FREM1: variants seen among roughly 807,000 people sequenced by gnomAD.
FREM1 encodes the protein FRAS1 related extracellular matrix 1.
A neutral mutation model predicts 210.1 loss-of-function variants in FREM1; 220 were observed. The ratio of observed to expected loss-of-function variants is 1.05; its 90% CI spans 0.94 to 1.17. The LOEUF (loss-of-function observed/expected upper bound fraction) is 1.17, where lower values mean the gene tolerates loss of function less well. Among genes scored for constraint, FREM1 ranks in the 50% most tolerant of loss-of-function variants. The pLI, the probability that FREM1 is intolerant of heterozygous loss-of-function variation, is 0.00. For synonymous variants in FREM1, 1,189 were observed against 980.2 expected, an observed-to-expected ratio of 1.21 and a Z score of -3.98; for missense variants, 3,454 against 2,675.5, an observed-to-expected ratio of 1.29 and a Z score of -6.42.
intron 1 of FREM1, among the ~76,000 whole-genome samples, chr9:14,876,509 GCCA>G (rs1833780631): frequency 6.6e-6 from 1 of 152,154 alleles, no homozygotes; most frequent in African/African-American, 2.4e-5. Flanking sequence ...CTCCTGGTGC[GCCA>G]TGTTTTAAGC....
At chr9:14,872,654 C>G (rs576054305) in intron 1 of FREM1, among the ~76,000 whole-genome samples, 2 of 150,582 alleles carry the variant, frequency 1.3e-5, no homozygotes, top group African/African-American at 4.9e-5. Context: ...ATTGAATACC[C>G]TTTATTTCCT....
chr9:14,766,750 T>C (rs1250830855), intron 27 of FREM1, among the ~76,000 whole-genome samples: 1 of 152,168 alleles, frequency 6.6e-6, no homozygotes, highest in Non-Finnish European at 1.5e-5. Context: ...CACAGAGGTT[T>C]CACCCCTTCA....
rs761284820 is a variant in FREM1 at position 14,737,614 on chromosome 9, A to G, written c.6341-19T>C. ...TTCAAACCTAATGTGAACCAAAAGA[A>G]TGTACCAATTACTTTTATTGCGTTT... On this transcript the variant is annotated intron_variant, in intron 36 of 36. Coordinates refer to ENST00000380880, the MANE Select transcript of FREM1 (RefSeq NM_001379081.2). The G allele has an allele frequency of 2.7e-6, 4 of 1,489,388 alleles. No individual in the cohort carries two copies. The highest frequency in any genetic ancestry group is 3.6e-6 in the Non-Finnish European group (4 of 1,118,334). The allele number at this position is 1,489,388 out of a possible 1,614,324, so 92.3% of individuals were successfully genotyped here.
At position 14,860,896 on chromosome 9, in the gene FREM1, TATATACAC is replaced by T. The variant is rs1242627306; in HGVS notation, c.330-1420_330-1413del. 8.5e-4 allele frequency among the ~76,000 whole-genome samples: 100 copies of T among 117,376 alleles called. 17 individuals are homozygous for T. The highest frequency in any genetic ancestry group is 3.3e-3 in the South Asian group (12 of 3,688). 77.0% of individuals were successfully genotyped at this position (117,376 alleles called of 152,430 possible). A position where few individuals can be genotyped will look rare whatever the true frequency, so the allele number is the denominator to read the frequency against. Reference sequence around the variant, plus strand: ...ATACGTATATATACACATATATACATATATACACATATACACATATACACATATATACA... The same window carrying T: ...ATACGTATATATACACATATATACATATATACACATATACACATATATACA... On this transcript the variant is annotated intron_variant, in intron 3 of 36. Transcript: ENST00000380880.
intron 10 of FREM1, among the ~76,000 whole-genome samples, chr9:14,839,779 A>G (rs1825312025): frequency 6.6e-6 from 1 of 152,238 alleles, no homozygotes; most frequent in Non-Finnish European, 1.5e-5. Context: ...AAAGGCCCAT[A>G]GGCCACTAAA....
intron 10 of FREM1, among the ~76,000 whole-genome samples, chr9:14,835,510 A>G (rs902979989): frequency 1.3e-5 from 2 of 152,210 alleles, no homozygotes; most frequent in African/African-American, 2.4e-5. Flanking sequence ...CCTTAGGGAG[A>G]ACTGGCCTAC....
intron 10 of FREM1, among the ~76,000 whole-genome samples, chr9:14,825,214 G>A (rs1822108716): frequency 6.6e-6 from 1 of 152,042 alleles, no homozygotes; most frequent in African/African-American, 2.4e-5. Flanking sequence ...CAGGCCAGGT[G>A]CAGGGGGTCA....
intron 20 of FREM1, among the ~76,000 whole-genome samples, chr9:14,800,842 C>T (rs1248456846): frequency 6.6e-6 from 1 of 151,952 alleles, no homozygotes; most frequent in Non-Finnish European, 1.5e-5. Context: ...TTTCTTCATC[C>T]CCTATTTCTG....
At position 14,836,351 on chromosome 9, in the gene FREM1, G is replaced by A. The variant is rs527262774; in HGVS notation, c.1881+5096C>T. On this transcript the variant is annotated intron_variant, in intron 10 of 36. Coordinates refer to ENST00000380880, the MANE Select transcript of FREM1 (RefSeq NM_001379081.2). This position sits in a 1 kb window ranked among gnomAD's most constrained non-coding sequence, Gnocchi z 4.9. ...TAATAGTTACTGACAAAAAGAAAGC[G>A]TAAAAGTTTTACTATCACTAAGTCT... Among the ~76,000 whole-genome samples, 8 of 152,286 alleles carry A rather than the reference G, an allele frequency of 5.3e-5. No individual in the cohort carries two copies. The highest frequency in any genetic ancestry group is 1.3e-4 in the Admixed American group (2 of 15,292).
chr9:14,823,017 CT>C (rs946666921), intron 13 of FREM1, 142 bp downstream of exon 13: 15 of 522,614 alleles, frequency 2.9e-5, no homozygotes, highest in South Asian at 7.2e-5. Context: ...CTTTTTTCTT[CT>C]TTTTTTTACT....
rs1269685803 is a variant in FREM1, at chr9:14,851,536, C to A, written c.900G>T (p.Met300Ile). ...IPNQIPKAAF[M>I]AVFILEVDQF... Reference sequence around the variant, plus strand: ...GATCCACTTCCAGAATAAACACGGCCATGAATGCAGCCTTTGGAATCTGAT... The same window carrying A: ...GATCCACTTCCAGAATAAACACGGCAATGAATGCAGCCTTTGGAATCTGAT... Residue 300 changes from methionine (M) to isoleucine (I), a missense_variant, in exon 6 of 37, where the codon ATG becomes ATT. Transcript: ENST00000380880. 6.2e-7 allele frequency: 1 copy of A among 1,613,806 alleles called. No homozygotes were observed. The highest frequency in any genetic ancestry group is 1.3e-5 in the African/African-American group (1 of 74,920).
chr9:14,845,618 T>C (rs561571006), intron 8 of FREM1, among the ~76,000 whole-genome samples: 4 of 152,320 alleles, frequency 2.6e-5, no homozygotes, highest in Admixed American at 1.3e-4. Flanking sequence ...TTTTTCAATA[T>C]ACTTCTTTGA....
At chr9:14,905,482 A>C (rs1483550322) in intron 1 of FREM1, among the ~76,000 whole-genome samples, 1 of 152,248 alleles carries the variant, frequency 6.6e-6, no homozygotes, top group Non-Finnish European at 1.5e-5. Flanking sequence ...CTATATGAGG[A>C]GAATCAGTAA....
In FREM1 at chr9:14,805,164, C is replaced by G; in HGVS notation, c.3275-12G>C. 6.8e-7 allele frequency: 1 copy of G among 1,464,782 alleles called. No individual in the cohort carries two copies. Among genetic ancestry groups the G allele is most frequent in the East Asian group, 2.3e-5 (1 of 42,936 alleles). The allele number at this position is 1,464,782 out of a possible 1,614,324, so 90.7% of individuals were successfully genotyped here. A position where few individuals can be genotyped will look rare whatever the true frequency, so the allele number is the denominator to read the frequency against. On this transcript the variant is annotated splice_polypyrimidine_tract_variant and intron_variant, in intron 18 of 36. Transcript: ENST00000380880. ...CCACTGAAATGAATCTAGAGCACAC[C>G]AAGATGGAACAGATAAATAAAAAAA...
At chr9:14,816,907 A>G (rs1426363124) in intron 14 of FREM1, 36 bp from the exon 15 acceptor site, 5 of 822,232 alleles carry the variant, frequency 6.1e-6, no homozygotes, top group Non-Finnish European at 9.1e-6. Context: ...CCTCTTAGGA[A>G]CAGTGTGAGA....
intron 25 of FREM1, chr9:14,774,041 A>C (rs763664004): frequency 4.0e-6 from 2 of 504,798 alleles, no homozygotes; most frequent in Non-Finnish European, 7.8e-6. Flanking sequence ...AAAAACAATA[A>C]TTTTAATACA....
At chr9:14,828,324 G>C (rs1822867207) in intron 10 of FREM1, among the ~76,000 whole-genome samples, 2 of 152,178 alleles carry the variant, frequency 1.3e-5, no homozygotes, top group Non-Finnish European at 2.9e-5. Flanking sequence ...TGTTTGCCCT[G>C]TTGAGTTTTG....
chr9:14,816,494 T>C (rs1820333560), intron 15 of FREM1, among the ~76,000 whole-genome samples: 1 of 152,088 alleles, frequency 6.6e-6, no homozygotes, highest in South Asian at 2.1e-4. Flanking sequence ...GGGAGGTTTA[T>C]AGGTCATGAG....
At chr9:14,821,390 C>T (rs1031194654) in intron 13 of FREM1, among the ~76,000 whole-genome samples, 1 of 152,166 alleles carries the variant, frequency 6.6e-6, no homozygotes, top group African/African-American at 2.4e-5. Flanking sequence ...GTTTCCTTCT[C>T]AGATCATCAT....
Sources: gnomAD v4.1 joint callset for allele counts (sites outside exome capture counted in the v4.1 genomes callset) on GRCh38, gnomAD v4.1.1 for gene constraint, Gnocchi (gnomAD v3.1) non-coding constraint, MANE v1.5 for transcripts, NCBI Gene and HGNC (gene_info 2026-07-23, HGNC 2026-07-21) for gene names.